COL9A1: variants seen among roughly 807,000 people sequenced by gnomAD.
COL9A1 encodes the protein collagen alpha-1(IX) chain.
In COL9A1, 104 loss-of-function variants were observed where a neutral mutation model predicts 142.6. The observed-to-expected ratio is 0.73, with a 90% CI of 0.62 to 0.86. COL9A1 has a LOEUF of 0.86. Among genes scored for constraint, COL9A1 ranks in the 40% least tolerant of loss-of-function variants. The pLI is 0.00. For synonymous variants in COL9A1, 466 were observed against 396.0 expected (o/e 1.18, Z -2.10); for missense variants, 1,210 against 1,176.6 (o/e 1.03, Z -0.42).
At chr6:70,272,181 C>T in intron 12 of COL9A1, 93 bp from the exon 13 acceptor site, 1 of 1,011,128 alleles carries the variant, frequency 9.9e-7, no homozygotes, top group South Asian at 1.5e-5. Flanking sequence ...AAACCATAAA[C>T]TCTATTACTA....
chr6:70,274,791 G>T lies in COL9A1; in HGVS notation c.976-19C>A. ...TTAATCCCTAATAGAGCAAGACAAT[G>T]ATGTTAGAACTATCATAACATCCTT... On this transcript the variant is annotated intron_variant, in intron 10 of 37. Transcript: ENST00000357250. 6.2e-7 allele frequency: 1 copy of T among 1,605,880 alleles called. No individual in the cohort carries two copies.
chr6:70,281,243 C>A, intron 8 of COL9A1, 147 bp downstream of exon 8: 2 of 849,818 alleles, frequency 2.4e-6, no homozygotes, highest in East Asian at 2.7e-5. Context: ...AACTCTCGCC[C>A]ATGTCTGATC....
intron 32 of COL9A1, 115 bp downstream of exon 32, chr6:70,240,574 T>A (rs1376664215): frequency 2.1e-6 from 1 of 473,612 alleles, no homozygotes; most frequent in Non-Finnish European, 3.5e-6. Flanking sequence ...GTCCAGAAAA[T>A]AAGAATATAT....
intron 15 of COL9A1, 58 bp from the exon 16 acceptor site, chr6:70,269,723 C>T (rs2127589296): frequency 6.5e-6 from 7 of 1,082,082 alleles, no homozygotes; most frequent in Non-Finnish European, 8.6e-6. Flanking sequence ...TTCAAACATA[C>T]TAATACTAGA....
chr6:70,263,441 G>A (rs1267140847), intron 18 of COL9A1, 144 bp from the exon 19 acceptor site: 2 of 621,908 alleles, frequency 3.2e-6, no homozygotes, highest in East Asian at 2.9e-5. Context: ...ATTTATATGG[G>A]TAGTCCAAAT....
chr6:70,268,382 T>C (rs1772168477), intron 17 of COL9A1, among the ~76,000 whole-genome samples: 1 of 152,074 alleles, frequency 6.6e-6, no homozygotes, highest in South Asian at 2.1e-4. Flanking sequence ...GCCTAGCTAA[T>C]TTTTTATTTC....
Position 70,216,677 on chromosome 6 carries a change from CT to C in COL9A1, c.*219del. 1.8e-6 allele frequency: 1 copy of C among 547,906 alleles called. No individual in the cohort carries two copies. 33.9% of individuals were successfully genotyped at this position (547,906 alleles called of 1,614,324 possible). On this transcript the variant is annotated 3_prime_UTR_variant, in exon 38 of 38. Coordinates refer to ENST00000357250, the MANE Select transcript of COL9A1 (RefSeq NM_001851.6). ...TTCTTTTTTTTTTTTTAACTGATGACTCTGCTGTCTTCCCTCCAAGGGAAAG... is the reference window on the plus strand; with the variant it reads ...TTCTTTTTTTTTTTTTAACTGATGACCTGCTGTCTTCCCTCCAAGGGAAAG...
intron 10 of COL9A1, chr6:70,279,906 T>A (rs1481399562): frequency 1.7e-5 from 9 of 537,814 alleles, no homozygotes; most frequent in East Asian, 2.8e-5. Flanking sequence ...GGAAAACACA[T>A]AAAGTGGTAA....
Position 70,300,344 on chromosome 6 carries a change from C to G in COL9A1, c.131G>C (p.Cys44Ser), listed in dbSNP as rs1375599039. The change falls in exon 3 of 38, where the codon TGT becomes TCT. Residue 44 changes from cysteine to serine, a missense_variant. Cys to Ser is a moderately radical substitution (Grantham distance 112). Transcript: ENST00000357250. Reference sequence around the variant, plus strand: ...ATCTTGGCCAATCCTGATCTTTGGACAGAGTTCATTTCCACCATTAGAATT... The same window carrying G: ...ATCTTGGCCAATCCTGATCTTTGGAGAGAGTTCATTTCCACCATTAGAATT... ...NSNSNGGNELCPKIRIGQDDL... is the reference protein window; with the variant it reads ...NSNSNGGNELSPKIRIGQDDL... 5.0e-6 allele frequency: 8 copies of G among 1,613,482 alleles called. No individual in the cohort carries two copies. In the Admixed American group the frequency reaches 1.2e-4, roughly 24 times the overall value.
chr6:70,284,660 T>C (rs144341939), intron 5 of COL9A1, among the ~76,000 whole-genome samples: 2 of 152,228 alleles, frequency 1.3e-5, no homozygotes, highest in African/African-American at 4.8e-5. Context: ...GCAAAAAAAA[T>C]TAAAATGTCA....
chr6:70,224,266 CT>C (rs1238624762), intron 37 of COL9A1, among the ~76,000 whole-genome samples: 6 of 152,160 alleles, frequency 3.9e-5, no homozygotes, highest in Non-Finnish European at 7.3e-5. Flanking sequence ...GCCCCTCTGA[CT>C]GACTGTGTGC....
chr6:70,229,805 G>A (rs1221119635), intron 36 of COL9A1, among the ~76,000 whole-genome samples: 2 of 152,148 alleles, frequency 1.3e-5, no homozygotes, highest in Non-Finnish European at 2.9e-5. Flanking sequence ...TGTAAAGCAT[G>A]TCAGTGAAAA....
chr6:70,257,604 G>A (rs34506690), intron 20 of COL9A1, among the ~76,000 whole-genome samples: 23,503 of 151,972 alleles, frequency 0.15, 2,088 homozygotes, highest in Non-Finnish European at 0.21. Context: ...AAAATTAGCC[G>A]GGTCTGTTGG....
intron 21 of COL9A1, among the ~76,000 whole-genome samples, chr6:70,256,120 G>T (rs903562953): frequency 6.6e-6 from 1 of 152,078 alleles, no homozygotes; most frequent in African/African-American, 2.4e-5. Context: ...TGTCTTTCCT[G>T]CCCGTAGGCT....
chr6:70,302,086 AG>A lies in COL9A1; in HGVS notation c.15-13del, dbSNP rs752840659. The A allele has an allele frequency of 1.1e-5, 17 of 1,601,962 alleles. No homozygotes were observed. In the African/African-American group the frequency reaches 2.1e-4, roughly 20 times the overall value. ...AAACTGGAATTTTCCTGAAGAAGAG[AG>A]AAGAAAAATGACTGAAACAGGAGTC... On this transcript the variant is annotated splice_polypyrimidine_tract_variant and intron_variant, in intron 1 of 37. Transcript: ENST00000357250.
chr6:70,253,502 C>A (rs1006408780), intron 25 of COL9A1, 73 bp from the exon 26 acceptor site: 9 of 1,045,192 alleles, frequency 8.6e-6, no homozygotes, highest in Non-Finnish European at 1.4e-5. Flanking sequence ...GCCCACTGCA[C>A]ACTGCAGGGA....
At chr6:70,261,612 C>A (rs1450724099) in intron 19 of COL9A1, among the ~76,000 whole-genome samples, 1 of 152,178 alleles carries the variant, frequency 6.6e-6, no homozygotes, top group African/African-American at 2.4e-5. Context: ...TCAGACCAGT[C>A]ACAAATTCTA....
chr6:70,283,517 G>T (rs1773305822), intron 6 of COL9A1, among the ~76,000 whole-genome samples: 1 of 152,198 alleles, frequency 6.6e-6, no homozygotes, highest in African/African-American at 2.4e-5. Context: ...CCCGCAGGTG[G>T]TTTCTACCTG....
chr6:70,238,802 G>A (rs1483424168), intron 33 of COL9A1, among the ~76,000 whole-genome samples: 1 of 152,174 alleles, frequency 6.6e-6, no homozygotes, highest in Non-Finnish European at 1.5e-5. Context: ...ATTGCCTAAA[G>A]TACAAATTTA....
Sources: gnomAD v4.1 joint callset for allele counts (sites outside exome capture counted in the v4.1 genomes callset) on GRCh38, gnomAD v4.1.1 for gene constraint, MANE v1.5 for transcripts, NCBI Gene and HGNC (gene_info 2026-07-23, HGNC 2026-07-21) for gene names.